MYO5A: variants seen among roughly 807,000 people sequenced by gnomAD.
MYO5A encodes unconventional myosin-Va.
In MYO5A, 98 loss-of-function variants were observed where a neutral mutation model predicts 249.7. That is an observed-to-expected ratio of 0.39 (90% CI 0.33 to 0.46). The LOEUF is 0.46. MYO5A is among the 20% of genes least tolerant of loss of function. The probability of loss-of-function intolerance (pLI) is 0.98; values close to 1 mark genes in which losing one functional copy is unlikely to be tolerated. For missense variants in MYO5A, 1,696 were observed against 2,308.8 expected, an observed-to-expected ratio of 0.73 and a Z score of 5.44; for synonymous variants, 778 against 810.6, an observed-to-expected ratio of 0.96 and a Z score of 0.68.
At chr15:52,489,164 G>C (rs1206991833) in intron 1 of MYO5A, among the ~76,000 whole-genome samples, 1 of 152,196 alleles carries the variant, frequency 6.6e-6, no homozygotes, top group Non-Finnish European at 1.5e-5. Context: ...AAGACTCTTA[G>C]AAGAAAATAC....
At chr15:52,334,826 T>C (rs1356298826) in intron 34 of MYO5A, among the ~76,000 whole-genome samples, 1 of 152,164 alleles carries the variant, frequency 6.6e-6, no homozygotes, top group Non-Finnish European at 1.5e-5. Context: ...TATGACATAG[T>C]GAAGACCATA....
Position 52,397,422 on chromosome 15 carries a change from C to T in MYO5A, c.1098G>A (p.Val366=). 1 of 1,613,868 alleles carries T rather than the reference C, an allele frequency of 6.2e-7. No homozygotes were observed. Among genetic ancestry groups the T allele is most frequent in the Non-Finnish European group, 8.5e-7 (1 of 1,179,822 alleles). Residue 366 remains valine (V), a synonymous_variant, in exon 10 of 42, where the codon GTG becomes GTA. Coordinates refer to ENST00000399233, the MANE Select transcript of MYO5A (RefSeq NM_001382347.1). ...GCCAGTGACACATCTCCTCATAGTC[C>T]ACACCCATGAGTTCACAGAAGATGC... ...PLCIFCELMG[V]DYEEMCHWLC...
intron 1 of MYO5A, among the ~76,000 whole-genome samples, chr15:52,522,468 G>A (rs1176221462): frequency 6.6e-6 from 1 of 152,182 alleles, no homozygotes; most frequent in Non-Finnish European, 1.5e-5. Context: ...GCCTTCAGGT[G>A]AGGTGGAAGA....
intron 10 of MYO5A, among the ~76,000 whole-genome samples, chr15:52,396,760 A>G (rs1298123275): frequency 6.6e-6 from 1 of 152,244 alleles, no homozygotes; most frequent in African/African-American, 2.4e-5. Context: ...ACACACATAT[A>G]GGAGGGAAAT....
At chr15:52,419,730 G>A (rs1051262276) in intron 4 of MYO5A, among the ~76,000 whole-genome samples, 7 of 152,164 alleles carry the variant, frequency 4.6e-5, no homozygotes, top group African/African-American at 1.7e-4. Context: ...ATGGCTATCA[G>A]ATCCTCTCAA....
At chr15:52,525,645 T>C (rs117854437) in intron 1 of MYO5A, among the ~76,000 whole-genome samples, 5,147 of 152,338 alleles carry the variant, frequency 0.034, 125 homozygotes, top group South Asian at 0.074. Context: ...TCTTTCCTTG[T>C]AATCTATCCT....
intron 1 of MYO5A, among the ~76,000 whole-genome samples, chr15:52,501,062 C>A (rs567533644): frequency 6.6e-6 from 1 of 151,832 alleles, no homozygotes; most frequent in Non-Finnish European, 1.5e-5. Flanking sequence ...CTCCGCCTCC[C>A]GGGTTCACGC....
chr15:52,369,849 G>T (rs945001696), intron 22 of MYO5A, among the ~76,000 whole-genome samples: 2 of 147,760 alleles, frequency 1.4e-5, no homozygotes, highest in Non-Finnish European at 3.0e-5. Context: ...TTTTTAAAAG[G>T]AGTCTATGCC....
At chr15:52,345,177 G>A (rs1362366586) in intron 30 of MYO5A, among the ~76,000 whole-genome samples, 3 of 152,010 alleles carry the variant, frequency 2.0e-5, no homozygotes, top group Non-Finnish European at 4.4e-5. Context: ...TACATCCTCC[G>A]TACACTTTAA....
chr15:52,392,110 T>C (rs1193396021), intron 11 of MYO5A, 40 bp from the exon 12 acceptor site: 6 of 1,582,542 alleles, frequency 3.8e-6, no homozygotes, highest in East Asian at 2.2e-5. Context: ...TACTGGATCA[T>C]TGTAACAAAG....
At chr15:52,388,946 T>C (rs926166356) in intron 13 of MYO5A, among the ~76,000 whole-genome samples, 3 of 151,942 alleles carry the variant, frequency 2.0e-5, no homozygotes, top group Admixed American at 1.3e-4. Context: ...AGACTATAAA[T>C]AATCTCATGT....
chr15:52,391,690 T>C (rs575560099), intron 12 of MYO5A, among the ~76,000 whole-genome samples: 1 of 152,326 alleles, frequency 6.6e-6, no homozygotes, highest in South Asian at 2.1e-4. Context: ...ATTGTTAGTA[T>C]CTAACGTCAA....
intron 29 of MYO5A, chr15:52,346,703 T>G (rs777035086): frequency 8.5e-6 from 5 of 591,334 alleles, no homozygotes; most frequent in Non-Finnish European, 1.6e-5. Context: ...GGTGGGAAGA[T>G]TCTACAATGT....
chr15:52,512,089 G>A (rs113660386), intron 1 of MYO5A, among the ~76,000 whole-genome samples: 12,127 of 151,644 alleles, frequency 0.08, 1,540 homozygotes, highest in African/African-American at 0.27. Context: ...CGTGAACCCG[G>A]GAGGTGGAGC....
At chr15:52,414,856 A>G (rs766275093) in intron 5 of MYO5A, among the ~76,000 whole-genome samples, 5 of 152,192 alleles carry the variant, frequency 3.3e-5, no homozygotes, top group Non-Finnish European at 7.3e-5. Flanking sequence ...CAAAATCTTA[A>G]CATTTGCTTA....
At chr15:52,387,628 A>T in intron 14 of MYO5A, 1 of 537,260 alleles carries the variant, frequency 1.9e-6, no homozygotes, top group South Asian at 2.2e-5. Context: ...ATAAAATAAG[A>T]GTCATTAGAT....
chr15:52,388,068 G>C (rs996251920), intron 13 of MYO5A, among the ~76,000 whole-genome samples, 156 bp from the exon 14 acceptor site: 21 of 152,168 alleles, frequency 1.4e-4, no homozygotes, highest in African/African-American at 5.1e-4. Context: ...GCCATTCCTG[G>C]TAAGAAGTAT....
At chr15:52,384,981 A>G (rs933788480) in intron 14 of MYO5A, among the ~76,000 whole-genome samples, 1 of 152,252 alleles carries the variant, frequency 6.6e-6, no homozygotes, top group Non-Finnish European at 1.5e-5. Flanking sequence ...CAAGGGATTT[A>G]TAACTTCAAC....
Position 52,372,301 on chromosome 15 carries a change from T to C in MYO5A, c.2640A>G (p.Thr880=). 1 of 1,609,464 alleles carries C rather than the reference T, an allele frequency of 6.2e-7. No homozygotes were observed. The highest frequency in any genetic ancestry group is 8.5e-7 in the Non-Finnish European group (1 of 1,179,994). Residue 880 remains threonine, a synonymous_variant, in exon 21 of 42, where the codon ACA becomes ACG. Coordinates refer to ENST00000399233, the MANE Select transcript of MYO5A (RefSeq NM_001382347.1). ...QKRVRGWLAR[T]HYKRSMHAII... ...TGGCATGCATGCTCCTCTTGTAGTG[T>C]GTGCGGGCCAGCCAGCCCCGGACTC...
Sources: allele counts gnomAD v4.1 joint callset (sites outside exome capture counted in the v4.1 genomes callset), GRCh38; gene constraint gnomAD v4.1.1; transcripts MANE v1.5; gene names NCBI Gene and HGNC (gene_info 2026-07-23, HGNC 2026-07-21).